The following CYSTM1 variants were observed in gnomAD, a reference collection of about 807,000 sequenced individuals.
The protein encoded by CYSTM1 is cysteine-rich transmembrane module-containing protein 1.
A neutral mutation model predicts 13.1 loss-of-function variants in CYSTM1; 4 were observed. That is an observed-to-expected ratio of 0.31 (90% CI 0.15 to 0.70). The LOEUF (loss-of-function observed/expected upper bound fraction) is 0.70. Ranked by LOEUF, CYSTM1 falls within the 30% of genes least tolerant of loss-of-function variation. The pLI is 0.72. For missense variants in CYSTM1, 96 were observed against 121.6 expected (o/e 0.79, Z 0.99); for synonymous variants, 36 against 42.7 (o/e 0.84, Z 0.62).
intron 2 of CYSTM1, among the ~76,000 whole-genome samples, chr5:140,197,053 A>T (rs1418085246): frequency 6.6e-6 from 1 of 152,214 alleles, no homozygotes; most frequent in Non-Finnish European, 1.5e-5. Context: ...GGTAGACTCA[A>T]CCCAATGCCT....
chr5:140,218,257 T>G (rs1764454748), intron 2 of CYSTM1, among the ~76,000 whole-genome samples: 1 of 152,190 alleles, frequency 6.6e-6, no homozygotes, highest in South Asian at 2.1e-4. Flanking sequence ...TGTCTCTTGT[T>G]CATTTTTCAA....
chr5:140,233,764 A>G (rs1764646305), intron 2 of CYSTM1, among the ~76,000 whole-genome samples: 1 of 152,130 alleles, frequency 6.6e-6, no homozygotes, highest in African/African-American at 2.4e-5. Context: ...TGCTCTCCGT[A>G]TATCCTCTTT....
rs547753496 is a variant in CYSTM1, at chr5:140,219,223, G to A, written c.188-24082G>A. Among the ~76,000 whole-genome samples, 1 of 152,230 alleles carries A rather than the reference G, an allele frequency of 6.6e-6. No homozygotes were observed. Among genetic ancestry groups the A allele is most frequent in the Non-Finnish European group, 1.5e-5 (1 of 68,026 alleles). ...AATCACATCTCAGTGGGTAAAGTGGGGATTTTCAGGACCATTTGCCCTTGA... is the reference window on the plus strand; with the variant it reads ...AATCACATCTCAGTGGGTAAAGTGGAGATTTTCAGGACCATTTGCCCTTGA... On this transcript the variant is annotated intron_variant, in intron 2 of 2. Coordinates refer to ENST00000261811, the MANE Select transcript of CYSTM1 (RefSeq NM_032412.4). The surrounding 1 kb of genome is among the most constrained non-coding windows in gnomAD (Gnocchi z 4.1).
intron 1 of CYSTM1, among the ~76,000 whole-genome samples, chr5:140,179,882 C>T (rs1475063357): frequency 3.9e-5 from 6 of 152,040 alleles, no homozygotes; most frequent in African/African-American, 1.4e-4. Flanking sequence ...AGGCTGGTCT[C>T]GAACTCCTGA....
Position 140,194,622 on chromosome 5 carries a change from G to T in CYSTM1, c.157G>T (p.Gly53Cys). 1 of 1,613,204 alleles carries T rather than the reference G, an allele frequency of 6.2e-7. No homozygotes were observed. The highest frequency in any genetic ancestry group is 1.3e-5 in the African/African-American group (1 of 74,992). Residue 53 changes from glycine (G) to cysteine (C), a missense_variant, in exon 2 of 3, where the codon GGT (glycine) becomes TGT (cysteine). Gly to Cys is a radical substitution (Grantham distance 159). Coordinates refer to ENST00000261811, the MANE Select transcript of CYSTM1 (RefSeq NM_032412.4). ...AGGATACCCACAGTACGGCTGGCAG[G>T]GTGGACCTCAGGAGCCTCCTAAAAC... ...YQGYPQYGWQ[G>C]GPQEPPKTTV...
chr5:140,224,125 C>CA (rs1764521477), intron 2 of CYSTM1, among the ~76,000 whole-genome samples: 1 of 152,140 alleles, frequency 6.6e-6, no homozygotes, highest in African/African-American at 2.4e-5. Context: ...GGTCATGCCT[C>CA]AGAGTTTATT....
chr5:140,195,439 C>CTTTT (rs35389567), intron 2 of CYSTM1, among the ~76,000 whole-genome samples: 17 of 101,358 alleles, frequency 1.7e-4, no homozygotes, highest in East Asian at 3.0e-4. Context: ...GCCCTTTCAG[C>CTTTT]TTTTTTTTTT....
At chr5:140,183,395 C>G (rs1763980844) in intron 1 of CYSTM1, among the ~76,000 whole-genome samples, 1 of 152,202 alleles carries the variant, frequency 6.6e-6, no homozygotes, top group African/African-American at 2.4e-5. Flanking sequence ...TCTTGCTGGG[C>G]CCCATTTTCT....
intron 1 of CYSTM1, among the ~76,000 whole-genome samples, chr5:140,185,627 C>T (rs1186552073): frequency 2.0e-5 from 3 of 152,222 alleles, no homozygotes; most frequent in African/African-American, 4.8e-5. Flanking sequence ...ATCTTGTCCA[C>T]GTTATGCTGA....
chr5:140,197,472 C>G (rs1411520673), intron 2 of CYSTM1, among the ~76,000 whole-genome samples: 1 of 152,182 alleles, frequency 6.6e-6, no homozygotes, highest in Non-Finnish European at 1.5e-5. Flanking sequence ...CTGCCCAGAT[C>G]CTTTCTGCAC....
chr5:140,235,952 G>C (rs1764676137), intron 2 of CYSTM1, among the ~76,000 whole-genome samples: 1 of 152,156 alleles, frequency 6.6e-6, no homozygotes, highest in South Asian at 2.1e-4. Context: ...AATCTGGCTG[G>C]TGTCAAGATC....
At position 140,175,600 on chromosome 5, in the gene CYSTM1, G is replaced by C. The variant is rs1763871661; in HGVS notation, c.-21+315G>C. On this transcript the variant is annotated intron_variant, in intron 1 of 2. Transcript: ENST00000261811. This position sits in a 1 kb window ranked among gnomAD's most constrained non-coding sequence, Gnocchi z 4.9. ...CGTCTCACGAGGAGTCGGCGGGCTC[G>C]GAGCGGGGCTCGCCACACCCCGTCC... 6.6e-6 allele frequency among the ~76,000 whole-genome samples: 1 copy of C among 152,252 alleles called. No individual in the cohort carries two copies. The highest frequency in any genetic ancestry group is 2.1e-4 in the South Asian group (1 of 4,836).
chr5:140,243,298 C>T lies in CYSTM1; in HGVS notation c.188-7C>T, dbSNP rs779795111. 3.1e-6 allele frequency: 5 copies of T among 1,613,048 alleles called. No homozygotes were observed. In the South Asian group the frequency reaches 3.3e-5, roughly 11 times the overall value. ...CATTCTCACCCTCTTCCCTCTTCTCCCTCCAGTGTATGTGGTAGAAGACCA... is the reference window on the plus strand; with the variant it reads ...CATTCTCACCCTCTTCCCTCTTCTCTCTCCAGTGTATGTGGTAGAAGACCA... On this transcript the variant is annotated splice_region_variant and splice_polypyrimidine_tract_variant and intron_variant, in intron 2 of 2. Transcript: ENST00000261811.
intron 2 of CYSTM1, among the ~76,000 whole-genome samples, chr5:140,210,082 T>A (rs780812226): frequency 6.6e-5 from 10 of 152,182 alleles, no homozygotes; most frequent in African/African-American, 9.7e-5. Flanking sequence ...CTCATAAAAA[T>A]TTTTTTAATT....
intron 1 of CYSTM1, among the ~76,000 whole-genome samples, chr5:140,183,464 T>C (rs763038455): frequency 6.6e-6 from 1 of 152,218 alleles, no homozygotes; most frequent in Non-Finnish European, 1.5e-5. Context: ...CTGTCCTATA[T>C]GTCCCAGTGA....
At chr5:140,227,110 G>A (rs1430228368) in intron 2 of CYSTM1, among the ~76,000 whole-genome samples, 1 of 152,176 alleles carries the variant, frequency 6.6e-6, no homozygotes, top group African/African-American at 2.4e-5. Flanking sequence ...AATCCTCAAG[G>A]CTGTGCATAG....
intron 2 of CYSTM1, among the ~76,000 whole-genome samples, chr5:140,225,617 C>T (rs13359060): frequency 0.23 from 35,147 of 152,184 alleles, 4,095 homozygotes; most frequent in African/African-American, 0.25. Flanking sequence ...AAGATGTGAC[C>T]GGTTTCCCTG....
At chr5:140,226,613 A>AAT (rs1554133474) in intron 2 of CYSTM1, among the ~76,000 whole-genome samples, 1 of 85,322 alleles carries the variant, frequency 1.2e-5, no homozygotes, top group African/African-American at 4.6e-5. Context: ...TATATATATA[A>AAT]AAATTAGCCA....
chr5:140,176,518 G>A (rs971402159), intron 1 of CYSTM1, among the ~76,000 whole-genome samples: 1 of 152,104 alleles, frequency 6.6e-6, no homozygotes. Context: ...CTCATTTGAC[G>A]GGATTTAATG....
Sources: allele counts gnomAD v4.1 joint callset (sites outside exome capture counted in the v4.1 genomes callset), GRCh38; gene constraint gnomAD v4.1.1; non-coding constraint Gnocchi (gnomAD v3.1); transcripts MANE v1.5; gene names NCBI Gene and HGNC (gene_info 2026-07-23, HGNC 2026-07-21).